Variants in MEI4 observed in about 807,000 individuals in gnomAD.
MEI4 encodes the protein meiosis-specific protein MEI4.
MEI4 carries 27 observed loss-of-function variants against 31.4 expected under a neutral mutation model. The ratio of observed to expected loss-of-function variants is 0.86; its 90% CI spans 0.63 to 1.19. The LOEUF (loss-of-function observed/expected upper bound fraction) is 1.19, where lower values mean the gene tolerates loss of function less well. Among genes scored for constraint, MEI4 ranks in the 50% most tolerant of loss-of-function variants. The pLI is 0.00. For synonymous variants in MEI4, 122 were observed against 145.4 expected (o/e 0.84, Z 1.16); for missense variants, 329 against 398.9 (o/e 0.82, Z 1.49).
intron 4 of MEI4, among the ~76,000 whole-genome samples, chr6:77,907,393 T>G (rs1377768307): frequency 6.6e-6 from 1 of 152,102 alleles, no homozygotes; most frequent in Non-Finnish European, 1.5e-5. Context: ...CAGTGTTTGG[T>G]TTTTTGTCCT....
intron 4 of MEI4, among the ~76,000 whole-genome samples, chr6:77,867,485 A>G (rs1230416159): frequency 6.6e-6 from 1 of 152,256 alleles, no homozygotes; most frequent in Non-Finnish European, 1.5e-5. Flanking sequence ...ATCACTGGCC[A>G]TCAGAGAAAT....
At chr6:77,755,227 CACTTA>C (rs749406499) in intron 2 of MEI4, among the ~76,000 whole-genome samples, 59 of 152,168 alleles carry the variant, frequency 3.9e-4, no homozygotes, top group Admixed American at 9.8e-4. Flanking sequence ...TAATTAAGTA[CACTTA>C]ACTTAAGTAT....
chr6:77,714,410 T>C (rs1160944766), intron 2 of MEI4, among the ~76,000 whole-genome samples: 4 of 152,234 alleles, frequency 2.6e-5, no homozygotes, highest in African/African-American at 7.2e-5. Flanking sequence ...ATTTCACACA[T>C]TGTAATATCA....
chr6:77,731,972 G>C (rs1767009780), intron 2 of MEI4, among the ~76,000 whole-genome samples: 1 of 147,748 alleles, frequency 6.8e-6, no homozygotes, highest in Admixed American at 6.8e-5. Flanking sequence ...GCTCTGTTCT[G>C]TTCCATTGAT....
intron 4 of MEI4, among the ~76,000 whole-genome samples, chr6:77,889,058 A>G (rs1771693824): frequency 2.0e-5 from 3 of 152,144 alleles, no homozygotes; most frequent in Admixed American, 1.3e-4. Context: ...TCTCCTTTAT[A>G]AATTACTCAG....
chr6:77,651,187 A>G (rs1360005954), upstream of MEI4, among the ~76,000 whole-genome samples: 2 of 152,190 alleles, frequency 1.3e-5, no homozygotes, highest in Non-Finnish European at 2.9e-5. Context: ...AGGAGGGATA[A>G]GAAACATTTG....
At chr6:77,835,530 T>C (rs1200717973) in intron 4 of MEI4, among the ~76,000 whole-genome samples, 2 of 151,672 alleles carry the variant, frequency 1.3e-5, no homozygotes, top group African/African-American at 2.4e-5. Flanking sequence ...TAAATGCAAA[T>C]GACAAAAACA....
chr6:77,851,945 T>C (rs1770636324), intron 4 of MEI4, among the ~76,000 whole-genome samples: 1 of 152,188 alleles, frequency 6.6e-6, no homozygotes, highest in Admixed American at 6.6e-5. Flanking sequence ...TGGGAAATCA[T>C]TTAAAAATGA....
chr6:77,906,950 C>T (rs986469216), intron 4 of MEI4, among the ~76,000 whole-genome samples: 1 of 152,070 alleles, frequency 6.6e-6, no homozygotes, highest in African/African-American at 2.4e-5. Flanking sequence ...TCTGAACTAG[C>T]TCTGTATGAC....
At chr6:77,917,547 T>C (rs1386550471) in intron 4 of MEI4, among the ~76,000 whole-genome samples, 1 of 135,570 alleles carries the variant, frequency 7.4e-6, no homozygotes, top group Non-Finnish European at 1.5e-5. Flanking sequence ...TTTCATGTGT[T>C]TTTTGGCTGC....
intron 1 of MEI4, among the ~76,000 whole-genome samples, chr6:77,687,240 TTAAAC>T (rs1435246906): frequency 6.6e-6 from 1 of 152,114 alleles, no homozygotes; most frequent in African/African-American, 2.4e-5. Context: ...ATTTTATACT[TTAAAC>T]TATTAAGAAT....
At chr6:77,871,859 CACAAA>C (rs1420547809) in intron 4 of MEI4, among the ~76,000 whole-genome samples, 2 of 152,054 alleles carry the variant, frequency 1.3e-5, no homozygotes, top group African/African-American at 2.4e-5. Flanking sequence ...TGTACAAGGA[CACAAA>C]ACACTACTGA....
At chr6:77,850,015 T>G (rs1223532333) in intron 4 of MEI4, among the ~76,000 whole-genome samples, 1 of 152,080 alleles carries the variant, frequency 6.6e-6, no homozygotes, top group African/African-American at 2.4e-5. Context: ...TTAAACATGT[T>G]CAAATTAGTT....
Position 77,660,987 on chromosome 6 carries a change from G to A in MEI4, c.-15+7895G>A, listed in dbSNP as rs957985601. ...AGATTAGCAGCCTGGCGAATTTCCT[G>A]TCTAGCCTGCTGGAGGACTGGAAGA... On this transcript the variant is annotated intron_variant, in intron 1 of 4. Coordinates refer to ENST00000684080, the MANE Select transcript of MEI4 (RefSeq NM_001322247.2). Among the ~76,000 whole-genome samples the A allele has an allele frequency of 1.1e-4, 17 of 152,186 alleles. 1 individual carries two copies. The highest frequency in any genetic ancestry group is 9.8e-4 in the Admixed American group (15 of 15,280).
intron 3 of MEI4, among the ~76,000 whole-genome samples, chr6:77,772,300 C>T (rs1043946972): frequency 6.7e-6 from 1 of 148,168 alleles, no homozygotes; most frequent in Non-Finnish European, 1.5e-5. Flanking sequence ...CCCTCATGAA[C>T]ATTGTTACAA....
At chr6:77,846,140 T>C (rs1384489121) in intron 4 of MEI4, among the ~76,000 whole-genome samples, 1 of 151,974 alleles carries the variant, frequency 6.6e-6, no homozygotes, top group Non-Finnish European at 1.5e-5. Flanking sequence ...TGAGATGGAG[T>C]CTTGCTGTGT....
At chr6:77,791,223 C>T (rs987374430) in intron 3 of MEI4, among the ~76,000 whole-genome samples, 15 of 152,134 alleles carry the variant, frequency 9.9e-5, no homozygotes, top group African/African-American at 3.6e-4. Context: ...TATAAAGACA[C>T]ATGCACACGT....
intron 3 of MEI4, among the ~76,000 whole-genome samples, chr6:77,817,078 G>A (rs1464457122): frequency 6.6e-6 from 1 of 151,734 alleles, no homozygotes; most frequent in African/African-American, 2.4e-5. Context: ...ATTCACACTT[G>A]TCAGCATTTT....
At chr6:77,835,028 C>A (rs1271656094) in intron 4 of MEI4, among the ~76,000 whole-genome samples, 1 of 151,878 alleles carries the variant, frequency 6.6e-6, no homozygotes, top group East Asian at 1.9e-4. Context: ...GAGTTTTTGA[C>A]TATTACTATA....
Sources: allele counts gnomAD v4.1 joint callset (sites outside exome capture counted in the v4.1 genomes callset), GRCh38; gene constraint gnomAD v4.1.1; transcripts MANE v1.5; gene names NCBI Gene and HGNC (gene_info 2026-07-23, HGNC 2026-07-21).